Variants in HDAC6 observed in about 807,000 individuals in gnomAD.
The protein encoded by HDAC6 is histone deacetylase 6.
Under a neutral mutation model 88.9 loss-of-function variants are expected in HDAC6, and 5 were observed. The ratio of observed to expected loss-of-function variants is 0.06; its 90% confidence interval spans 0.03 to 0.12. The LOEUF is 0.12. Ranked by LOEUF, HDAC6 falls within the 10% of genes least tolerant of loss-of-function variation. The pLI, the probability that HDAC6 is intolerant of heterozygous loss-of-function variation, is 1.00. For synonymous variants in HDAC6, 378 were observed against 398.0 expected (o/e 0.95, Z 0.60); for missense variants, 706 against 1,014.4 (o/e 0.70, Z 4.13).
rs1444999901 is a variant in HDAC6 at position 48,824,524 on chromosome X, T to C, written c.3580-20T>C. The C allele has an allele frequency of 1.7e-6, 2 of 1,196,788 alleles. No homozygotes were observed. The highest frequency in any genetic ancestry group is 2.3e-6 in the Non-Finnish European group (2 of 884,316). ...GGTCCTCACTCTCTCTCACCTGCCC[T>C]ATTCTTGCCTCCTCCTCAGGCTCTC... On this transcript the variant is annotated intron_variant, in intron 28 of 28. Coordinates refer to ENST00000334136, the MANE Select transcript of HDAC6 (RefSeq NM_006044.4).
Position 48,802,784 on chromosome X carries a change from C to G in HDAC6, c.92C>G (p.Ser31Trp), listed in dbSNP as rs141268593. 17 of 1,204,965 alleles carry G rather than the reference C, an allele frequency of 1.4e-5. No homozygotes were observed. The African/African-American group carries it at 3.0e-4, about 21-fold the overall frequency. The change falls in exon 2 of 29, where the codon TCG (serine) becomes TGG (tryptophan). Residue 31 changes from serine to tryptophan, a missense_variant and splice_region_variant. Ser to Trp is a radical substitution (Grantham distance 177). Transcript: ENST00000334136. Reference sequence around the variant, plus strand: ...CCCCCTCAGGACTCCAGTGTCACTTCGGTGAGGCCCTAGACCCGCCCTGAT... The same window carrying G: ...CCCCCTCAGGACTCCAGTGTCACTTGGGTGAGGCCCTAGACCCGCCCTGAT... ...QSPPQDSSVT[S>W]KRNIKKGAVP...
intron 10 of HDAC6, 29 bp from the exon 11 acceptor site, chrX:48,814,411 T>G: frequency 8.3e-7 from 1 of 1,207,045 alleles, no homozygotes; most frequent in Non-Finnish European, 1.1e-6. Flanking sequence ...CTTCTCCAAC[T>G]CTCTTACCTC....
chrX:48,817,269 A>AAT, intron 19 of HDAC6, 57 bp from the exon 20 acceptor site: 1 of 1,020,718 alleles, frequency 9.8e-7, no homozygotes, highest in South Asian at 2.8e-5. Flanking sequence ...AAAAAAAAAA[A>AAT]GGAAGAAAGG....
intron 10 of HDAC6, chrX:48,810,852 CTT>C (rs1479257890): frequency 9.0e-6 from 1 of 110,954 alleles, no homozygotes; most frequent in African/African-American, 3.3e-5. Context: ...TTTTCTGTCT[CTT>C]TTTTCTTTTG....
chrX:48,802,752 C>T lies in HDAC6; in HGVS notation c.60C>T (p.Pro20=). 8.3e-7 allele frequency: 1 copy of T among 1,208,599 alleles called. No homozygotes were observed. Among genetic ancestry groups the T allele is most frequent in the Non-Finnish European group, 1.1e-6 (1 of 893,889 alleles). The part of the protein sequence containing the change: ...TTRQRRSRQN[P]QSPPQDSSVT... Reference sequence around the variant, plus strand: ...GGCAGCGAAGAAGTAGGCAGAACCCCCAGTCGCCCCCTCAGGACTCCAGTG... The same window carrying T: ...GGCAGCGAAGAAGTAGGCAGAACCCTCAGTCGCCCCCTCAGGACTCCAGTG... Residue 20 remains proline, a synonymous_variant, in exon 2 of 29, where the codon CCC becomes CCT. Transcript: ENST00000334136.
At chrX:48,805,878 A>G in intron 6 of HDAC6, 1 of 444,496 alleles carries the variant, frequency 2.2e-6, no homozygotes, top group Admixed American at 3.9e-5. Flanking sequence ...TCAGGTGCTT[A>G]GAACAGGGCC....
At chrX:48,812,520 C>G (rs186655863) in intron 10 of HDAC6, among the ~76,000 whole-genome samples, 84 of 112,546 alleles carry the variant, frequency 7.5e-4, no homozygotes, top group African/African-American at 2.5e-3. Context: ...GAAACTTCAG[C>G]TTATCTTGGG....
At position 48,815,679 on chromosome X, in the gene HDAC6, G is replaced by A. The variant is rs374272352; in HGVS notation, c.1324+37G>A. 53 of 1,141,290 alleles carry A rather than the reference G, an allele frequency of 4.6e-5. No homozygotes were observed. In the African/African-American group the frequency reaches 7.4e-4, roughly 16 times the overall value. The allele number at this position is 1,141,290 out of a possible 1,213,427, so 94.1% of individuals were successfully genotyped here. A position where few individuals can be genotyped will look rare whatever the true frequency, so the allele number is the denominator to read the frequency against. On this transcript the variant is annotated intron_variant, in intron 16 of 28. Transcript: ENST00000334136. ...GGTGTGGGCCTGGTGTGGGGTGGAC[G>A]TGGGATGAGCCCTGGGGGAGACTGT...
At chrX:48,801,747 G>T, upstream of HDAC6, 1 of 676,040 alleles carries the variant, frequency 1.5e-6, no homozygotes, top group Non-Finnish European at 2.0e-6. Context: ...GTGAGCTCGC[G>T]AGAGGTGTGG....
intron 8 of HDAC6, 54 bp downstream of exon 8, chrX:48,806,760 G>T: frequency 1.4e-6 from 1 of 725,206 alleles, no homozygotes; most frequent in South Asian, 2.6e-5. Flanking sequence ...CTTCCTTCAA[G>T]TGTAAAATGT....
Position 48,802,762 on chromosome X carries a change from C to CCTCAGGACT in HDAC6, c.72_80dup (p.Gln25_Ser27dup). ...AAGTAGGCAGAACCCCCAGTCGCCC[C>CCTCAGGACT]CTCAGGACTCCAGTGTCACTTCGGT... is the stretch of plus-strand genomic sequence containing the variant. On this transcript the variant is annotated inframe_insertion, in exon 2 of 29. Coordinates refer to ENST00000334136, the MANE Select transcript of HDAC6 (RefSeq NM_006044.4). 1 of 1,208,364 alleles carries CCTCAGGACT rather than the reference C, an allele frequency of 8.3e-7. No homozygotes were observed. Among genetic ancestry groups the CCTCAGGACT allele is most frequent in the Non-Finnish European group, 1.1e-6 (1 of 893,838 alleles).
chrX:48,817,267 AAAGG>A (rs1354456236), intron 19 of HDAC6, 55 bp from the exon 20 acceptor site: 1 of 1,071,397 alleles, frequency 9.3e-7, no homozygotes, highest in East Asian at 3.4e-5. Flanking sequence ...AAAAAAAAAA[AAAGG>A]AAGAAAGGAA....
intron 10 of HDAC6, among the ~76,000 whole-genome samples, chrX:48,809,867 C>T (rs2062873648): frequency 9.1e-6 from 1 of 110,331 alleles, no homozygotes; most frequent in South Asian, 3.8e-4. Flanking sequence ...TAGGGATGCT[C>T]AACCTGTAGT....
rs782654216 is a variant in HDAC6, at chrX:48,823,529, A to T, written c.3130A>T (p.Ile1044Leu). The change falls in exon 25 of 29, where the codon ATA (isoleucine) becomes TTA (leucine). Residue 1044 changes from isoleucine to leucine, a missense_variant. Coordinates refer to ENST00000334136, the MANE Select transcript of HDAC6 (RefSeq NM_006044.4). ...TSPVQGTTPQ[I>L]SPSTLIGSLR... is the part of the protein sequence containing the mutation. ...ACCTGTGCAGGGAACTACACCCCAG[A>T]TATCTCCCAGTACACTGATTGGGAG... 2.5e-6 allele frequency: 3 copies of T among 1,208,453 alleles called. No individual in the cohort carries two copies. The South Asian group carries it at 5.3e-5, about 21-fold the overall frequency.
At chrX:48,808,514 G>C (rs2062852263) in intron 10 of HDAC6, among the ~76,000 whole-genome samples, 188 bp downstream of exon 10, 2 of 111,612 alleles carry the variant, frequency 1.8e-5, no homozygotes, top group African/African-American at 6.5e-5. Flanking sequence ...GGACTGTTGG[G>C]TTCCCTATTT....
upstream of HDAC6, chrX:48,801,709 AGCACGCCGAC>A (rs1351174846): frequency 2.5e-6 from 1 of 402,869 alleles, no homozygotes; most frequent in African/African-American, 2.6e-5. Flanking sequence ...CAGCTGGCGT[AGCACGCCGAC>A]GCACCGCCCC....
chrX:48,804,077 C>T (rs1022481102), intron 4 of HDAC6, among the ~76,000 whole-genome samples: 2 of 111,542 alleles, frequency 1.8e-5, no homozygotes, highest in South Asian at 3.7e-4. Context: ...GCAGGAGAAT[C>T]GCTTGATCTG....
chrX:48,804,231 T>C (rs2062776839), intron 4 of HDAC6, among the ~76,000 whole-genome samples: 1 of 111,891 alleles, frequency 8.9e-6, no homozygotes, highest in Admixed American at 9.4e-5. Context: ...AAAGTCCAAA[T>C]TTTTCATCCT....
chrX:48,807,941 G>T lies in HDAC6; in HGVS notation c.633-92G>T, dbSNP rs1386316426. ...TTTAGGCATCAGCATTAAAGGAATTGGTGGTCCAGGATTAGAGAGCAGGGG... is the reference window on the plus strand; with the variant it reads ...TTTAGGCATCAGCATTAAAGGAATTTGTGGTCCAGGATTAGAGAGCAGGGG... On this transcript the variant is annotated intron_variant, in intron 8 of 28. Coordinates refer to ENST00000334136, the MANE Select transcript of HDAC6 (RefSeq NM_006044.4). The T allele has an allele frequency of 1.7e-5, 10 of 596,626 alleles. No homozygotes were observed. In the African/African-American group the frequency reaches 2.3e-4, roughly 13 times the overall value. 49.2% of individuals were successfully genotyped at this position (596,626 alleles called of 1,213,427 possible). A position where few individuals can be genotyped will look rare whatever the true frequency, so the allele number is the denominator to read the frequency against.
Sources: gnomAD v4.1 joint callset for allele counts (sites outside exome capture counted in the v4.1 genomes callset) on GRCh38, gnomAD v4.1.1 for gene constraint, MANE v1.5 for transcripts, NCBI Gene and HGNC (gene_info 2026-07-23, HGNC 2026-07-21) for gene names.